Variants in KIF13B observed in about 807,000 individuals in gnomAD.
KIF13B encodes kinesin-like protein KIF13B.
A neutral mutation model predicts 222.0 loss-of-function variants in KIF13B; 127 were observed. The observed-to-expected ratio is 0.57, with a 90% confidence interval of 0.50 to 0.66. The LOEUF is 0.66. KIF13B is among the 30% of genes least tolerant of loss of function. The pLI, the probability that KIF13B is intolerant of heterozygous loss-of-function variation, is 0.00. For missense variants in KIF13B, 2,173 were observed against 2,379.0 expected (o/e 0.91, Z 1.80); for synonymous variants, 976 against 919.0 (o/e 1.06, Z -1.12).
Position 29,147,384 on chromosome 8 carries a change from C to A in KIF13B, c.2024+8G>T, listed in dbSNP as rs748516076. 2 of 1,591,288 alleles carry A rather than the reference C, an allele frequency of 1.3e-6. No individual in the cohort carries two copies. The highest frequency in any genetic ancestry group is 4.5e-5 in the East Asian group (2 of 44,076). On this transcript the variant is annotated splice_region_variant and intron_variant, in intron 17 of 39. Transcript: ENST00000524189. ...TATAAAGTTAACAGGCCCCTCTGTG[C>A]CGCCTACCTCTCCTCAGCCCACTGT...
At chr8:29,202,881 C>T (rs1813761046) in intron 2 of KIF13B, among the ~76,000 whole-genome samples, 1 of 152,066 alleles carries the variant, frequency 6.6e-6, no homozygotes, top group Non-Finnish European at 1.5e-5. Flanking sequence ...ATATACCTAA[C>T]TTAGGTAACA....
At chr8:29,132,605 T>A in intron 22 of KIF13B, 140 bp from the exon 23 acceptor site, 1 of 487,062 alleles carries the variant, frequency 2.1e-6, no homozygotes, top group Non-Finnish European at 3.3e-6. Context: ...AACTATCATC[T>A]AAAACCCATA....
chr8:29,082,522 G>A (rs1670950667), intron 37 of KIF13B, among the ~76,000 whole-genome samples: 1 of 151,890 alleles, frequency 6.6e-6, no homozygotes, highest in South Asian at 2.1e-4. Flanking sequence ...CACTCCTGTG[G>A]TCCCAGCTAC....
chr8:29,170,386 C>T (rs571419387), intron 10 of KIF13B, among the ~76,000 whole-genome samples: 1 of 152,336 alleles, frequency 6.6e-6, no homozygotes, highest in Non-Finnish European at 1.5e-5. Context: ...TACTCATTCA[C>T]TCGACTCTTC....
rs372689439 is a variant in KIF13B at position 29,070,744 on chromosome 8, G to A, written c.5241C>T (p.Gly1747=). The A allele has an allele frequency of 9.0e-5, 142 of 1,584,640 alleles. No homozygotes were observed. Among genetic ancestry groups the A allele is most frequent in the Middle Eastern group, 1.7e-4 (1 of 6,054 alleles). The change falls in exon 40 of 40, where the codon GGC becomes GGT. Residue 1747 remains glycine, a synonymous_variant. Transcript: ENST00000524189. This position sits in a 1 kb window ranked among gnomAD's most constrained non-coding sequence, Gnocchi z 4.1. ...GGTTACACCTGAAGTACTGCTTCCC[G>A]CCGATGGAACCGTCATTCTTACCTG... is the stretch of plus-strand genomic sequence containing the variant. ...LPSGKNDGSI[G]GKQYFRCNPG...
At chr8:29,170,846 G>C (rs1285802062) in intron 10 of KIF13B, among the ~76,000 whole-genome samples, 1 of 152,252 alleles carries the variant, frequency 6.6e-6, no homozygotes, top group Non-Finnish European at 1.5e-5. Context: ...GGGAGGCCAA[G>C]GCAGGAGGAT....
intron 32 of KIF13B, among the ~76,000 whole-genome samples, chr8:29,112,431 C>CAAAA (rs34908319): frequency 3.8e-5 from 3 of 78,244 alleles, no homozygotes; most frequent in African/African-American, 1.0e-4. Context: ...GACTCAGTCT[C>CAAAA]AAAAAAAAAA....
chr8:29,143,522 G>A (rs994144904), intron 18 of KIF13B, among the ~76,000 whole-genome samples: 1 of 152,128 alleles, frequency 6.6e-6, no homozygotes, highest in Non-Finnish European at 1.5e-5. Context: ...CATTATTACC[G>A]TGCCAAATGC....
At chr8:29,084,888 A>C (rs1807974248) in intron 37 of KIF13B, among the ~76,000 whole-genome samples, 2 of 152,230 alleles carry the variant, frequency 1.3e-5, no homozygotes, top group African/African-American at 4.8e-5. Flanking sequence ...TTGCATCAGA[A>C]GGTCAAAGAC....
At chr8:29,114,674 T>C (rs545232175) in intron 31 of KIF13B, among the ~76,000 whole-genome samples, 79 of 152,226 alleles carry the variant, frequency 5.2e-4, no homozygotes, top group African/African-American at 1.8e-3. Flanking sequence ...ATATCTGAAA[T>C]TGAGAGAGAA....
intron 37 of KIF13B, among the ~76,000 whole-genome samples, chr8:29,084,107 G>A (rs540037877): frequency 4.2e-4 from 64 of 152,220 alleles, no homozygotes; most frequent in African/African-American, 1.5e-3. Flanking sequence ...CAGTAGAGAT[G>A]GGGTTTCACT....
intron 2 of KIF13B, chr8:29,219,515 T>C (rs1166184261): frequency 6.6e-6 from 1 of 152,112 alleles, no homozygotes; most frequent in Admixed American, 6.5e-5. Flanking sequence ...CCCAGTACTT[T>C]GGGAACTGAG....
At chr8:29,194,532 C>A (rs899565796) in intron 3 of KIF13B, among the ~76,000 whole-genome samples, 1 of 152,160 alleles carries the variant, frequency 6.6e-6, no homozygotes, top group African/African-American at 2.4e-5. Flanking sequence ...CACCACTAGG[C>A]TAGCCTAGCT....
At chr8:29,153,141 A>C (rs952031351) in intron 14 of KIF13B, among the ~76,000 whole-genome samples, 1 of 152,214 alleles carries the variant, frequency 6.6e-6, no homozygotes, top group African/African-American at 2.4e-5. Flanking sequence ...GAAGTATTAG[A>C]GATCAATAAA....
At chr8:29,187,956 G>C (rs938336799) in intron 5 of KIF13B, among the ~76,000 whole-genome samples, 1 of 152,210 alleles carries the variant, frequency 6.6e-6, no homozygotes, top group African/African-American at 2.4e-5. Flanking sequence ...GACTGGAGCT[G>C]TCGCCGCCTG....
At chr8:29,142,002 T>C (rs1305094432) in intron 19 of KIF13B, among the ~76,000 whole-genome samples, 155 bp downstream of exon 19, 1 of 152,190 alleles carries the variant, frequency 6.6e-6, no homozygotes, top group African/African-American at 2.4e-5. Flanking sequence ...AATTGTTAAT[T>C]TGCTAAACAA....
intron 19 of KIF13B, among the ~76,000 whole-genome samples, chr8:29,141,295 C>T (rs1810807097): frequency 6.6e-6 from 1 of 151,406 alleles, no homozygotes. Context: ...GATCGTGCCA[C>T]TGCACTCCAG....
At chr8:29,109,797 A>C (rs1809269124) in intron 33 of KIF13B, 121 bp downstream of exon 33, 2 of 960,612 alleles carry the variant, frequency 2.1e-6, no homozygotes, top group Non-Finnish European at 3.1e-6. Flanking sequence ...GATTATTCAA[A>C]GTTCATTAGA....
intron 8 of KIF13B, 133 bp from the exon 9 acceptor site, chr8:29,177,711 G>A (rs970236752): frequency 1.5e-6 from 1 of 665,286 alleles, no homozygotes; most frequent in Admixed American, 2.3e-5. Context: ...AAAACAGCCT[G>A]GGCAACACAG....
Sources: allele counts gnomAD v4.1 joint callset (sites outside exome capture counted in the v4.1 genomes callset), GRCh38; gene constraint gnomAD v4.1.1; non-coding constraint Gnocchi (gnomAD v3.1); transcripts MANE v1.5; gene names NCBI Gene and HGNC (gene_info 2026-07-23, HGNC 2026-07-21).